Variants in LRP1B observed in about 807,000 individuals in gnomAD.
LRP1B encodes the protein low-density lipoprotein receptor-related protein 1B.
A neutral mutation model predicts 556.6 loss-of-function variants in LRP1B; 217 were observed. That is an observed-to-expected ratio of 0.39 (90% CI 0.35 to 0.44). LRP1B has a LOEUF of 0.44. LRP1B is among the 20% of genes least tolerant of loss of function. LRP1B has a pLI of 1.00. For synonymous variants in LRP1B, 2,047 were observed against 1,865.8 expected, an observed-to-expected ratio of 1.10 and a Z score of -2.50; for missense variants, 5,053 against 5,620.8, an observed-to-expected ratio of 0.90 and a Z score of 3.23.
At chr2:141,664,976 C>G (rs1331538024) in intron 2 of LRP1B, among the ~76,000 whole-genome samples, 2 of 152,088 alleles carry the variant, frequency 1.3e-5, no homozygotes, top group Admixed American at 6.5e-5. Flanking sequence ...CTACAATAAC[C>G]AAAACAGCAT....
rs181525403 is a variant in LRP1B, at chr2:141,427,491, G to T, written c.343+52905C>A. ...AAGTTTACAGCAAAATTGCTGTCTTGATTTAATTATCAATATTTAACAATC... is the reference window on the plus strand; with the variant it reads ...AAGTTTACAGCAAAATTGCTGTCTTTATTTAATTATCAATATTTAACAATC... On this transcript the variant is annotated intron_variant, in intron 3 of 90. Transcript: ENST00000389484. Among the ~76,000 whole-genome samples, 309 of 152,242 alleles carry T rather than the reference G, an allele frequency of 2.0e-3. 1 individual carries two copies. The highest frequency in any genetic ancestry group is 7.1e-3 in the African/African-American group (297 of 41,554).
intron 6 of LRP1B, among the ~76,000 whole-genome samples, chr2:141,226,845 C>T (rs1485142319): frequency 6.6e-6 from 1 of 152,166 alleles, no homozygotes; most frequent in Non-Finnish European, 1.5e-5. Flanking sequence ...CAGCCCTGCT[C>T]ACACCCCTGC....
chr2:142,006,291 A>G (rs1410256631), intron 1 of LRP1B, among the ~76,000 whole-genome samples: 1 of 152,184 alleles, frequency 6.6e-6, no homozygotes. Context: ...CAAATATGCA[A>G]TAGAAGGGTT....
At chr2:140,797,561 C>T (rs2105000605) in intron 32 of LRP1B, among the ~76,000 whole-genome samples, 1 of 152,030 alleles carries the variant, frequency 6.6e-6, no homozygotes, top group African/African-American at 2.4e-5. Context: ...ACACATGAAG[C>T]AGAACTAATT....
chr2:141,850,899 C>T (rs1697829530), intron 1 of LRP1B, among the ~76,000 whole-genome samples: 1 of 151,598 alleles, frequency 6.6e-6, no homozygotes, highest in African/African-American at 2.4e-5. Flanking sequence ...CAGATGCTGA[C>T]ATTAAACATA....
intron 35 of LRP1B, among the ~76,000 whole-genome samples, chr2:140,728,540 C>T (rs16844604): frequency 0.065 from 9,929 of 152,192 alleles, 496 homozygotes; most frequent in East Asian, 0.22. Context: ...TTCCATTTCA[C>T]TTTTATTTTT....
intron 77 of LRP1B, among the ~76,000 whole-genome samples, chr2:140,341,774 G>A (rs978822563): frequency 2.0e-5 from 3 of 151,246 alleles, no homozygotes; most frequent in Non-Finnish European, 4.4e-5. Context: ...ATGACTAAGA[G>A]GCTTGTAAAC....
At chr2:141,863,080 C>A (rs996850616) in intron 1 of LRP1B, among the ~76,000 whole-genome samples, 1 of 152,152 alleles carries the variant, frequency 6.6e-6, no homozygotes, top group Non-Finnish European at 1.5e-5. Context: ...ATTTGCTTCA[C>A]TTGTCCTATT....
intron 81 of LRP1B, among the ~76,000 whole-genome samples, chr2:140,323,487 ATTAACACCTAATGCT>A (rs1680272493): frequency 6.6e-6 from 1 of 152,030 alleles, no homozygotes; most frequent in Non-Finnish European, 1.5e-5. Flanking sequence ...ACAAGGTTCT[ATTAACACCTAATGCT>A]AAATGATGAG....
chr2:140,976,595 C>T (rs1378803724), intron 18 of LRP1B, among the ~76,000 whole-genome samples: 1 of 149,320 alleles, frequency 6.7e-6, no homozygotes, highest in Non-Finnish European at 1.5e-5. Flanking sequence ...GCAACCTCCA[C>T]CTCCCGGGTT....
intron 2 of LRP1B, among the ~76,000 whole-genome samples, chr2:141,721,514 C>T (rs1206039128): frequency 6.6e-6 from 1 of 151,962 alleles, no homozygotes; most frequent in Non-Finnish European, 1.5e-5. Flanking sequence ...TGATTTCTAC[C>T]TAATTTTTAA....
intron 11 of LRP1B, among the ~76,000 whole-genome samples, chr2:141,025,351 T>C (rs1039124049): frequency 2.0e-5 from 3 of 152,092 alleles, no homozygotes; most frequent in African/African-American, 4.8e-5. Context: ...TACACAACCA[T>C]ATCTAAAGCA....
intron 27 of LRP1B, among the ~76,000 whole-genome samples, chr2:140,857,600 C>A (rs974048803): frequency 2.0e-5 from 3 of 152,048 alleles, no homozygotes. Flanking sequence ...CAGATTCTAA[C>A]AGTATTATTT....
chr2:140,608,031 A>T (rs573984327), intron 41 of LRP1B, among the ~76,000 whole-genome samples: 67 of 151,954 alleles, frequency 4.4e-4, no homozygotes, highest in South Asian at 8.3e-4. Flanking sequence ...TAAAATAATA[A>T]TTTTTTCCAC....
chr2:141,543,130 T>G (rs1326965136), intron 2 of LRP1B, among the ~76,000 whole-genome samples: 1 of 152,058 alleles, frequency 6.6e-6, no homozygotes, highest in East Asian at 1.9e-4. Flanking sequence ...TTGGTAAAAT[T>G]GGTTGTCTCT....
chr2:142,061,722 C>T (rs547727156), intron 1 of LRP1B, among the ~76,000 whole-genome samples: 24 of 152,030 alleles, frequency 1.6e-4, no homozygotes, highest in East Asian at 7.8e-4. Flanking sequence ...GATAATATAT[C>T]TTCTTTAGTG....
At chr2:140,994,212 T>G (rs901733974) in intron 15 of LRP1B, 77 bp from the exon 16 acceptor site, 1 of 1,319,100 alleles carries the variant, frequency 7.6e-7, no homozygotes, top group Non-Finnish European at 1.1e-6. Context: ...CTTGTAGAGT[T>G]TTTTGTTTGT....
chr2:141,338,299 A>G (rs1687923005), intron 3 of LRP1B, among the ~76,000 whole-genome samples: 1 of 152,134 alleles, frequency 6.6e-6, no homozygotes, highest in Non-Finnish European at 1.5e-5. Context: ...CACAGATAAT[A>G]GAGAAAAGAG....
chr2:141,102,351 G>A lies in LRP1B; in HGVS notation c.1014-40078C>T, dbSNP rs77828535. Among the ~76,000 whole-genome samples the A allele has an allele frequency of 8.3e-3, 1,269 of 152,190 alleles. 19 individuals are homozygous for A. Among genetic ancestry groups the A allele is most frequent in the African/African-American group, 0.029 (1,208 of 41,544 alleles). ...GTTTATATTGTACAGGTCATACTATGAGCCTAATCCTGAAAAGTTTTTTCG... is the reference window on the plus strand; with the variant it reads ...GTTTATATTGTACAGGTCATACTATAAGCCTAATCCTGAAAAGTTTTTTCG... On this transcript the variant is annotated intron_variant, in intron 7 of 90. Coordinates refer to ENST00000389484, the MANE Select transcript of LRP1B (RefSeq NM_018557.3).
Sources: gnomAD v4.1 joint callset for allele counts (sites outside exome capture counted in the v4.1 genomes callset) on GRCh38, gnomAD v4.1.1 for gene constraint, MANE v1.5 for transcripts, NCBI Gene and HGNC (gene_info 2026-07-23, HGNC 2026-07-21) for gene names.